AFAP1: variants seen among roughly 807,000 people sequenced by gnomAD.
AFAP1 encodes the protein actin filament-associated protein 1.
AFAP1 carries 75 observed loss-of-function variants against 93.9 expected under a neutral mutation model. That is an observed-to-expected ratio of 0.80 (90% confidence interval 0.66 to 0.97). AFAP1 has a LOEUF of 0.97. Ranked by LOEUF, AFAP1 falls within the 50% of genes least tolerant of loss-of-function variation. AFAP1 has a pLI of 0.00. For synonymous variants in AFAP1, 517 were observed against 430.7 expected, an observed-to-expected ratio of 1.20 and a Z score of -2.48; for missense variants, 1,201 against 1,050.8, an observed-to-expected ratio of 1.14 and a Z score of -1.98.
At chr4:7,775,006 C>G in intron 14 of AFAP1, 103 bp from the exon 15 acceptor site, 3 of 1,351,946 alleles carry the variant, frequency 2.2e-6, no homozygotes, top group Admixed American at 2.1e-5. Flanking sequence ...CCAGGCATGG[C>G]GGCACATGCC....
At chr4:7,898,808 A>AGTGTGTGTGTGTGTGTGTGTGTGTGTGT in intron 1 of AFAP1, among the ~76,000 whole-genome samples, 1 of 136,956 alleles carries the variant, frequency 7.3e-6, no homozygotes, top group Non-Finnish European at 1.6e-5. Flanking sequence ...GGGCAGTAGA[A>AGTGTGTGTGTGTGTGTGTGTGTGTGTGT]GTGTGTGTGT....
intron 11 of AFAP1, among the ~76,000 whole-genome samples, chr4:7,792,322 T>G (rs1717935183): frequency 6.6e-6 from 1 of 152,198 alleles, no homozygotes; most frequent in South Asian, 2.1e-4. Context: ...CTTTCAAATG[T>G]TGACCCCTTC....
intron 1 of AFAP1, among the ~76,000 whole-genome samples, chr4:7,905,326 G>C (rs1319417255): frequency 1.3e-5 from 2 of 152,220 alleles, no homozygotes; most frequent in Non-Finnish European, 2.9e-5. Context: ...TCTTTTGGGA[G>C]ACCATCCCAT....
chr4:7,816,187 G>C, intron 7 of AFAP1, 88 bp from the exon 8 acceptor site: 2 of 1,168,478 alleles, frequency 1.7e-6, no homozygotes, highest in South Asian at 1.4e-5. Context: ...TATCTCAAAA[G>C]TGAAAGAAAA....
In AFAP1 at chr4:7,797,734, T is replaced by C. The variant is rs114126609; in HGVS notation, c.1266+2708A>G. Among the ~76,000 whole-genome samples the C allele has an allele frequency of 6.5e-3, 994 of 152,328 alleles. 6 individuals carry two copies. Among genetic ancestry groups the C allele is most frequent in the South Asian group, 8.5e-3 (41 of 4,824 alleles). ...GACTCAGACCAGCATGCTGTATGCA[T>C]GGTAGTTTCCTGACTGTGATCATAT... is the stretch of plus-strand genomic sequence containing the variant. On this transcript the variant is annotated intron_variant, in intron 10 of 17. Coordinates refer to ENST00000420658, the MANE Select transcript of AFAP1 (RefSeq NM_001134647.2).
chr4:7,924,581 C>T (rs1720623389), intron 1 of AFAP1, among the ~76,000 whole-genome samples: 1 of 152,246 alleles, frequency 6.6e-6, no homozygotes, highest in South Asian at 2.1e-4. Context: ...GGGACACAGA[C>T]ATCTAAAAAA....
intron 1 of AFAP1, among the ~76,000 whole-genome samples, chr4:7,932,296 G>C (rs907008104): frequency 6.6e-6 from 1 of 152,148 alleles, no homozygotes; most frequent in African/African-American, 2.4e-5. Context: ...ACTACTTGGT[G>C]ACCACCATCA....
At chr4:7,886,098 C>T (rs1718125638) in intron 1 of AFAP1, among the ~76,000 whole-genome samples, 1 of 152,202 alleles carries the variant, frequency 6.6e-6, no homozygotes, top group Non-Finnish European at 1.5e-5. Flanking sequence ...TAGGCACTGT[C>T]TGGTTGGAAA....
rs1450639674 is a variant in AFAP1, at chr4:7,786,252, T to C, written c.1472A>G (p.Tyr491Cys). The C allele has an allele frequency of 5.0e-6, 8 of 1,614,046 alleles. No individual in the cohort carries two copies. Among genetic ancestry groups the C allele is most frequent in the East Asian group, 2.2e-5 (1 of 44,894 alleles). ...NPYLGGTSNGYAHPSGTALHY... is the reference protein window; with the variant it reads ...NPYLGGTSNGCAHPSGTALHY... ...AAGTGCCGTCCCGCTGGGGTGGGCA[T>C]AGCCGTTGGAGGTGCCCCCTAGATA... The change falls in exon 12 of 18, where the codon TAT becomes TGT. Residue 491 changes from tyrosine to cysteine, a missense_variant. Tyr to Cys is a radical substitution (Grantham distance 194). Coordinates refer to ENST00000420658, the MANE Select transcript of AFAP1 (RefSeq NM_001134647.2).
intron 1 of AFAP1, among the ~76,000 whole-genome samples, chr4:7,880,250 G>A (rs929644558): frequency 6.7e-6 from 1 of 150,080 alleles, no homozygotes; most frequent in African/African-American, 2.5e-5. Flanking sequence ...GGATTTGAAA[G>A]CTAGGAGGGA....
intron 9 of AFAP1, among the ~76,000 whole-genome samples, chr4:7,804,504 A>G (rs1038454863): frequency 5.3e-5 from 8 of 152,250 alleles, no homozygotes; most frequent in African/African-American, 1.7e-4. Context: ...AACTAACTTT[A>G]CAGCTCGAAG....
chr4:7,783,933 G>A (rs964553151), intron 12 of AFAP1, among the ~76,000 whole-genome samples: 4 of 152,184 alleles, frequency 2.6e-5, no homozygotes, highest in African/African-American at 4.8e-5. Context: ...AGATGAGTGT[G>A]GTAACTGGAG....
intron 4 of AFAP1, among the ~76,000 whole-genome samples, chr4:7,853,676 A>C (rs1714713632): frequency 6.6e-6 from 1 of 152,196 alleles, no homozygotes; most frequent in African/African-American, 2.4e-5. Flanking sequence ...GGCTTCTCCG[A>C]TAAGACCATA....
chr4:7,804,308 A>ATT, intron 9 of AFAP1, among the ~76,000 whole-genome samples: 1 of 152,314 alleles, frequency 6.6e-6, no homozygotes, highest in Admixed American at 6.5e-5. Flanking sequence ...TAACCACTTA[A>ATT]CAAGGCAGGT....
chr4:7,890,004 T>TAAAAAAA (rs543991662), intron 1 of AFAP1, among the ~76,000 whole-genome samples: 7 of 100,330 alleles, frequency 7.0e-5, no homozygotes, highest in African/African-American at 1.2e-4. Flanking sequence ...CAATTTTTGT[T>TAAAAAAA]AAAAAAAAAA....
intron 3 of AFAP1, among the ~76,000 whole-genome samples, chr4:7,859,217 A>C (rs1715401807): frequency 6.6e-6 from 1 of 152,178 alleles, no homozygotes; most frequent in Non-Finnish European, 1.5e-5. Flanking sequence ...TCAAGAGTTC[A>C]AGACCAGCCT....
intron 10 of AFAP1, among the ~76,000 whole-genome samples, chr4:7,798,124 CA>C (rs1718625083): frequency 6.2e-5 from 7 of 112,134 alleles, no homozygotes; most frequent in East Asian, 2.4e-4. Context: ...GGCTGGCTCA[CA>C]GCACTGCAAC....
At chr4:7,781,655 T>C (rs750866066) in intron 12 of AFAP1, 28 bp from the exon 13 acceptor site, 6 of 1,548,040 alleles carry the variant, frequency 3.9e-6, no homozygotes, top group African/African-American at 1.4e-5. Flanking sequence ...TTGTGGTTAG[T>C]GACTTGGACA....
At position 7,851,019 on chromosome 4, in the gene AFAP1, A is replaced by ATG. The variant is rs72600619; in HGVS notation, c.334+4446_334+4447insCA. ...GAATAAGTCTTCTATCCCCATTGTA[A>ATG]TTTCTGCTGTTCTGATGAAACCCTC... On this transcript the variant is annotated intron_variant, in intron 4 of 17. Transcript: ENST00000420658. Among the ~76,000 whole-genome samples the ATG allele has an allele frequency of 9.2e-5, 5 of 54,156 alleles. No homozygotes were observed. In the East Asian group the frequency reaches 8.1e-3, roughly 87 times the overall value. 35.5% of individuals were successfully genotyped at this position (54,156 alleles called of 152,430 possible). A position where few individuals can be genotyped will look rare whatever the true frequency, so the allele number is the denominator to read the frequency against.
Sources: allele counts gnomAD v4.1 joint callset (sites outside exome capture counted in the v4.1 genomes callset), GRCh38; gene constraint gnomAD v4.1.1; transcripts MANE v1.5; gene names NCBI Gene and HGNC (gene_info 2026-07-23, HGNC 2026-07-21).